Variants in ERCC6L2 observed in about 807,000 individuals in gnomAD.
ERCC6L2 encodes the protein DNA excision repair protein ERCC-6-like 2.
In ERCC6L2, 77 loss-of-function variants were observed where a neutral mutation model predicts 132.0. That is an observed-to-expected ratio of 0.58 (90% CI 0.49 to 0.71). The LOEUF (loss-of-function observed/expected upper bound fraction) is 0.71, where lower values mean the gene tolerates loss of function less well. ERCC6L2 is among the 30% of genes least tolerant of loss of function. The probability of loss-of-function intolerance (pLI) is 0.00; values close to 1 mark genes in which losing one functional copy is unlikely to be tolerated. For missense variants in ERCC6L2, 1,542 were observed against 1,837.6 expected, an observed-to-expected ratio of 0.84 and a Z score of 2.94; for synonymous variants, 583 against 632.4, an observed-to-expected ratio of 0.92 and a Z score of 1.17.
intron 3 of ERCC6L2, among the ~76,000 whole-genome samples, chr9:95,902,946 C>G (rs887982858): frequency 1.3e-5 from 2 of 152,110 alleles, no homozygotes; most frequent in Admixed American, 1.3e-4. Flanking sequence ...GTAGAGTCAG[C>G]TTTGAATTAT....
intron 17 of ERCC6L2, among the ~76,000 whole-genome samples, chr9:95,991,032 G>A (rs1388966038): frequency 1.3e-5 from 2 of 152,068 alleles, no homozygotes; most frequent in Non-Finnish European, 2.9e-5. Flanking sequence ...TCTGAAGTTA[G>A]CTGCATCTGT....
rs1226402321 is a variant in ERCC6L2, at chr9:95,966,601, C to T, written c.1987C>T (p.Arg663Ter). 10 of 1,527,662 alleles carry T rather than the reference C, an allele frequency of 6.5e-6. No homozygotes were observed. The highest frequency in any genetic ancestry group is 8.0e-6 in the Non-Finnish European group (9 of 1,120,660). The allele number at this position is 1,527,662 out of a possible 1,614,324, so 94.6% of individuals were successfully genotyped here. A position where few individuals can be genotyped will look rare whatever the true frequency, so the allele number is the denominator to read the frequency against. The stretch of plus-strand genomic sequence containing the variant: ...GGTGGTTGGAAGTGAAAATGCCAAA[C>T]GATATTTTGAAGCAGTTCAAGGATC... ...CVVVGSENAK[R>*]YFEAVQGSKE... Residue 663 changes from arginine to a stop codon, truncating the protein, a stop_gained, in exon 14 of 19, where the codon CGA becomes TGA. Coordinates refer to ENST00000653738, the MANE Select transcript of ERCC6L2 (RefSeq NM_020207.7). LOFTEE classifies it high-confidence loss of function.
intron 6 of ERCC6L2, chr9:95,918,436 T>C: frequency 2.3e-6 from 1 of 436,878 alleles, no homozygotes; most frequent in South Asian, 1.8e-5. Context: ...GAGAAGGGCC[T>C]CATAGCTACC....
intron 2 of ERCC6L2, among the ~76,000 whole-genome samples, chr9:95,889,906 C>A (rs995259839): frequency 6.6e-6 from 1 of 152,098 alleles, no homozygotes; most frequent in Non-Finnish European, 1.5e-5. Context: ...TTAAATTGTC[C>A]AATGCCTAAA....
chr9:96,024,783 C>A (rs1413993680), intron 19 of ERCC6L2, among the ~76,000 whole-genome samples: 1 of 152,202 alleles, frequency 6.6e-6, no homozygotes, highest in Non-Finnish European at 1.5e-5. Context: ...GGGCACCTCA[C>A]ACTCATTGTG....
At chr9:95,974,977 C>T (rs755829518) in intron 16 of ERCC6L2, among the ~76,000 whole-genome samples, 5 of 151,976 alleles carry the variant, frequency 3.3e-5, no homozygotes, top group Admixed American at 1.3e-4. Context: ...GAATGATTTA[C>T]TTTTAATGCC....
At chr9:95,981,444 C>T (rs183493181) in intron 17 of ERCC6L2, among the ~76,000 whole-genome samples, 1 of 152,258 alleles carries the variant, frequency 6.6e-6, no homozygotes, top group East Asian at 1.9e-4. Context: ...TATAAATGTT[C>T]TGTCTCTCCT....
intron 16 of ERCC6L2, among the ~76,000 whole-genome samples, chr9:95,975,095 C>A (rs1832606923): frequency 6.6e-6 from 1 of 152,108 alleles, no homozygotes; most frequent in South Asian, 2.1e-4. Flanking sequence ...TTTGCCTCTA[C>A]TCTCCCTTTT....
intron 13 of ERCC6L2, among the ~76,000 whole-genome samples, chr9:95,965,087 A>G (rs754649842): frequency 4.6e-5 from 7 of 152,142 alleles, no homozygotes; most frequent in Non-Finnish European, 7.4e-5. Context: ...GCCCATGTTC[A>G]TTGGTATCAA....
chr9:96,029,346 CAGTTAGGATAAGTT>C (rs1193460557), intron 19 of ERCC6L2, among the ~76,000 whole-genome samples: 5 of 143,592 alleles, frequency 3.5e-5, no homozygotes, highest in East Asian at 2.0e-4. Flanking sequence ...TAGGATGGTA[CAGTTAGGATAAGTT>C]AGTTAGGATA....
In ERCC6L2 at chr9:95,928,821, T is replaced by C; in HGVS notation, c.1708T>C (p.Phe570Leu). 6.2e-7 allele frequency: 1 copy of C among 1,611,434 alleles called. No homozygotes were observed. ...SEERLKIVKEFNSTQDVNICL... is the reference protein window; with the variant it reads ...SEERLKIVKELNSTQDVNICL... Reference sequence around the variant, plus strand: ...GGAAAGACTCAAGATTGTAAAAGAGTTCAACAGTACACAAGATGTTAACAT... The same window carrying C: ...GGAAAGACTCAAGATTGTAAAAGAGCTCAACAGTACACAAGATGTTAACAT... Residue 570 changes from phenylalanine to leucine, a missense_variant, in exon 11 of 19, where the codon TTC becomes CTC. By Grantham distance (22) the Phe-to-Leu change is conservative. Coordinates refer to ENST00000653738, the MANE Select transcript of ERCC6L2 (RefSeq NM_020207.7).
intron 19 of ERCC6L2, among the ~76,000 whole-genome samples, chr9:96,027,514 G>A (rs143735913): frequency 1.0e-3 from 152 of 152,242 alleles, no homozygotes; most frequent in African/African-American, 3.6e-3. Flanking sequence ...CGGCCCGGTT[G>A]GAAAGTTGAG....
chr9:95,973,047 T>C lies in ERCC6L2; in HGVS notation c.3296T>C (p.Val1099Ala), dbSNP rs1389162241. The C allele has an allele frequency of 1.5e-6, 2 of 1,361,580 alleles. No individual in the cohort carries two copies. The highest frequency in any genetic ancestry group is 4.6e-5 in the East Asian group (1 of 21,904). 84.3% of individuals were successfully genotyped at this position (1,361,580 alleles called of 1,614,324 possible). ...ATGAAATGTTCAAATGAGAAAGTTG[T>C]TAATCAAGAGCAGTCGTATGAATCA... ...KPMKCSNEKV[V>A]NQEQSYESMD... The change falls in exon 16 of 19, where the codon GTT becomes GCT. Residue 1099 changes from valine to alanine, a missense_variant. Transcript: ENST00000653738.
rs76372405 is a variant in ERCC6L2, at chr9:96,038,357, G to A, written c.*1504-519G>A. 6.0e-3 allele frequency among the ~76,000 whole-genome samples: 912 copies of A among 152,268 alleles called. 24 individuals carry two copies. The East Asian group carries it at 0.09, about 15-fold the overall frequency. On this transcript the variant is annotated intron_variant and NMD_transcript_variant, in intron 19 of 20. Transcript: ENST00000670016. ...AAGCCCCTCTTCCCCCGAAGTATGT[G>A]GGAAGACAGTCTACACTGCAGAGTC...
At chr9:95,921,120 TTTATTATTG>T in intron 6 of ERCC6L2, 46 bp from the exon 7 acceptor site, 1 of 1,481,688 alleles carries the variant, frequency 6.7e-7, no homozygotes, top group African/African-American at 1.4e-5. Flanking sequence ...GATTATGATT[TTTATTATTG>T]TTATAAACAA....
At chr9:95,923,478 C>A in intron 9 of ERCC6L2, 99 bp downstream of exon 9, 2 of 1,365,748 alleles carry the variant, frequency 1.5e-6, no homozygotes, top group Non-Finnish European at 1.0e-6. Context: ...GGTGCTCAGT[C>A]ATTCAGAAGA....
chr9:95,881,992 T>A (rs1827622714), intron 2 of ERCC6L2, among the ~76,000 whole-genome samples: 1 of 152,136 alleles, frequency 6.6e-6, no homozygotes, highest in African/African-American at 2.4e-5. Flanking sequence ...CATCTCAAGG[T>A]GACTGGGGAA....
At chr9:95,956,589 G>T (rs1368714982) in intron 13 of ERCC6L2, among the ~76,000 whole-genome samples, 1 of 152,158 alleles carries the variant, frequency 6.6e-6, no homozygotes, top group South Asian at 2.1e-4. Flanking sequence ...TGGCGGGGGA[G>T]GCCTCAGGAA....
chr9:95,897,536 A>G (rs1351257326), intron 2 of ERCC6L2, among the ~76,000 whole-genome samples: 1 of 152,198 alleles, frequency 6.6e-6, no homozygotes, highest in African/African-American at 2.4e-5. Flanking sequence ...GAGGATACGA[A>G]GAGATAGTTT....
Sources: allele counts gnomAD v4.1 joint callset (sites outside exome capture counted in the v4.1 genomes callset), GRCh38; gene constraint gnomAD v4.1.1; transcripts MANE v1.5; gene names NCBI Gene and HGNC (gene_info 2026-07-23, HGNC 2026-07-21).